C8A: variants seen among roughly 807,000 people sequenced by gnomAD.
The protein encoded by C8A is complement C8 alpha chain.
A neutral mutation model predicts 65.3 loss-of-function variants in C8A; 67 were observed. The ratio of observed to expected loss-of-function variants is 1.03; its 90% CI spans 0.84 to 1.26. The LOEUF (loss-of-function observed/expected upper bound fraction) is 1.26, where lower values mean the gene tolerates loss of function less well. Among genes scored for constraint, C8A ranks in the 50% most tolerant of loss-of-function variants. C8A has a pLI of 0.00. For synonymous variants in C8A, 290 were observed against 259.4 expected, an observed-to-expected ratio of 1.12 and a Z score of -1.13; for missense variants, 781 against 723.9, an observed-to-expected ratio of 1.08 and a Z score of -0.90.
intron 1 of C8A, among the ~76,000 whole-genome samples, chr1:56,855,555 TAGAG>T (rs1643965681): frequency 6.6e-6 from 1 of 151,994 alleles, no homozygotes; most frequent in African/African-American, 2.4e-5. Flanking sequence ...TATGGGATAA[TAGAG>T]GGAGGTGATG....
At chr1:56,859,561 C>T (rs1464768172) in intron 1 of C8A, among the ~76,000 whole-genome samples, 1 of 152,200 alleles carries the variant, frequency 6.6e-6, no homozygotes, top group Non-Finnish European at 1.5e-5. Flanking sequence ...GAGCCCAGTA[C>T]ATGCTTGGAA....
At chr1:56,904,218 T>G (rs1202152670) in intron 7 of C8A, among the ~76,000 whole-genome samples, 7 of 152,176 alleles carry the variant, frequency 4.6e-5, no homozygotes, top group Non-Finnish European at 1.0e-4. Flanking sequence ...CAGGTTTGAC[T>G]TCCTCTGACC....
chr1:56,901,255 G>A (rs1644424386), intron 7 of C8A, among the ~76,000 whole-genome samples: 1 of 152,138 alleles, frequency 6.6e-6, no homozygotes, highest in East Asian at 1.9e-4. Flanking sequence ...AAGCAATGTA[G>A]CACATAAATC....
chr1:56,872,399 C>T (rs1407829928), intron 2 of C8A, among the ~76,000 whole-genome samples: 1 of 151,978 alleles, frequency 6.6e-6, no homozygotes, highest in African/African-American at 2.4e-5. Flanking sequence ...GTCTGAGATG[C>T]TTTCCTTCAA....
chr1:56,905,590 C>A (rs779654452), intron 7 of C8A, among the ~76,000 whole-genome samples: 7 of 152,180 alleles, frequency 4.6e-5, no homozygotes, highest in East Asian at 1.9e-4. Flanking sequence ...GGGACACAGG[C>A]AAATAAACTT....
intron 7 of C8A, among the ~76,000 whole-genome samples, chr1:56,894,183 C>T (rs1408534012): frequency 6.6e-6 from 1 of 152,094 alleles, no homozygotes; most frequent in Non-Finnish European, 1.5e-5. Flanking sequence ...TGCAAACACC[C>T]AGCTCTGAAA....
At chr1:56,864,035 A>G (rs1644060320) in intron 1 of C8A, among the ~76,000 whole-genome samples, 1 of 152,184 alleles carries the variant, frequency 6.6e-6, no homozygotes, top group South Asian at 2.1e-4. Context: ...CAGTATCTGC[A>G]TTCATAGAGC....
intron 7 of C8A, among the ~76,000 whole-genome samples, chr1:56,890,559 G>C (rs959548549): frequency 6.6e-6 from 1 of 152,120 alleles, no homozygotes. Flanking sequence ...CTCTATTACT[G>C]TCTCACTTGT....
chr1:56,887,976 C>T (rs1427965009), intron 7 of C8A, among the ~76,000 whole-genome samples: 2 of 151,976 alleles, frequency 1.3e-5, no homozygotes, highest in Non-Finnish European at 2.9e-5. Flanking sequence ...CACACCAGGG[C>T]CTGTCGGGGA....
chr1:56,889,427 T>C (rs1644327349), intron 7 of C8A, among the ~76,000 whole-genome samples: 1 of 152,184 alleles, frequency 6.6e-6, no homozygotes, highest in African/African-American at 2.4e-5. Context: ...GTTTTTGCCA[T>C]TAAAAACCAC....
chr1:56,877,796 A>C (rs1644212247), intron 4 of C8A, among the ~76,000 whole-genome samples: 1 of 152,148 alleles, frequency 6.6e-6, no homozygotes, highest in Admixed American at 6.5e-5. Flanking sequence ...CCCAAGGACA[A>C]GTGGGGGTTC....
rs1463567980 is a variant in C8A at position 56,885,989 on chromosome 1, T to C, written c.918T>C (p.Asp306=). Residue 306 remains aspartate (D), a synonymous_variant, in exon 7 of 11, where the codon GAT becomes GAC. Coordinates refer to ENST00000361249, the MANE Select transcript of C8A (RefSeq NM_000562.3). ...VQTAHFKMRK[D]DIMLDEGMLQ... ...CTGCACATTTTAAGATGAGGAAGGA[T>C]GACATTATGCTGGATGAAGGAATGC... The C allele has an allele frequency of 6.8e-6, 11 of 1,613,878 alleles. No homozygotes were observed. The Admixed American group carries it at 1.3e-4, about 20-fold the overall frequency.
At chr1:56,893,396 G>A (rs1212672294) in intron 7 of C8A, among the ~76,000 whole-genome samples, 5 of 152,162 alleles carry the variant, frequency 3.3e-5, no homozygotes, top group African/African-American at 7.2e-5. Flanking sequence ...ACACTTTGAA[G>A]TCAGATACAT....
Position 56,885,933 on chromosome 1 carries a change from A to G in C8A, c.862A>G (p.Ile288Val). 6.2e-7 allele frequency: 1 copy of G among 1,613,868 alleles called. No individual in the cohort carries two copies. The highest frequency in any genetic ancestry group is 1.3e-5 in the African/African-American group (1 of 75,030). The change falls in exon 7 of 11, where the codon ATT becomes GTT. Residue 288 changes from isoleucine to valine, a missense_variant. Transcript: ENST00000361249. ...CAATGGCGGTTGCTGGCAGAAATTC[A>G]TTTTCACAAGAATCTTCACAAAGGT... ...ELNKYNEKKFIFTRIFTKVQT... is the reference protein window; with the variant it reads ...ELNKYNEKKFVFTRIFTKVQT...
At chr1:56,859,651 T>C (rs1340179704) in intron 1 of C8A, among the ~76,000 whole-genome samples, 1 of 152,210 alleles carries the variant, frequency 6.6e-6, no homozygotes, top group East Asian at 1.9e-4. Flanking sequence ...ATTCATTCAA[T>C]AAATAAATAT....
chr1:56,875,614 A>C (rs1030275880), intron 3 of C8A, among the ~76,000 whole-genome samples: 1 of 152,132 alleles, frequency 6.6e-6, no homozygotes, highest in African/African-American at 2.4e-5. Flanking sequence ...GGAACTTTCT[A>C]GGAGAAAGAA....
At chr1:56,898,529 T>TA (rs754489904) in intron 7 of C8A, among the ~76,000 whole-genome samples, 2 of 152,140 alleles carry the variant, frequency 1.3e-5, no homozygotes, top group Non-Finnish European at 2.9e-5. Flanking sequence ...TGCCCTTCCT[T>TA]ATTCACCTGG....
intron 8 of C8A, 137 bp downstream of exon 8, chr1:56,906,929 C>A: frequency 1.9e-6 from 2 of 1,033,702 alleles, no homozygotes; most frequent in Non-Finnish European, 3.0e-6. Context: ...GCTAAATACC[C>A]CAAAACAATG....
At chr1:56,859,136 T>TA (rs1644005801) in intron 1 of C8A, among the ~76,000 whole-genome samples, 2 of 152,338 alleles carry the variant, frequency 1.3e-5, no homozygotes, top group African/African-American at 4.8e-5. Context: ...TTGGTTTGAA[T>TA]TCTGGCCTTG....
Sources: allele counts gnomAD v4.1 joint callset (sites outside exome capture counted in the v4.1 genomes callset), GRCh38; gene constraint gnomAD v4.1.1; transcripts MANE v1.5; gene names NCBI Gene and HGNC (gene_info 2026-07-23, HGNC 2026-07-21).